DISC1: variants seen among roughly 807,000 people sequenced by gnomAD.
The protein encoded by DISC1 is disrupted in schizophrenia 1 protein.
A neutral mutation model predicts 84.5 loss-of-function variants in DISC1; 57 were observed. The observed-to-expected ratio is 0.67, with a 90% CI of 0.55 to 0.84. DISC1 has a LOEUF of 0.84. Among genes scored for constraint, DISC1 ranks in the 40% least tolerant of loss-of-function variants. DISC1 has a pLI of 0.00. For synonymous variants in DISC1, 411 were observed against 415.2 expected (o/e 0.99, Z 0.12); for missense variants, 1,000 against 1,057.8 (o/e 0.95, Z 0.76).
chr1:231,674,249 ATT>A (rs113568322), intron 1 of DISC1, among the ~76,000 whole-genome samples: 11,916 of 148,698 alleles, frequency 0.08, 1,494 homozygotes, highest in African/African-American at 0.28. Flanking sequence ...CTAGTTTTTG[ATT>A]TTTTTTTTTC....
At chr1:231,895,178 C>G (rs1000113672) in intron 9 of DISC1, among the ~76,000 whole-genome samples, 3 of 150,812 alleles carry the variant, frequency 2.0e-5, no homozygotes, top group African/African-American at 7.3e-5. Flanking sequence ...TATTGTTATC[C>G]CACTTTGTTT....
At chr1:232,005,881 A>G (rs1558829157) in intron 10 of DISC1, among the ~76,000 whole-genome samples, 1 of 152,194 alleles carries the variant, frequency 6.6e-6, no homozygotes, top group Non-Finnish European at 1.5e-5. Flanking sequence ...AATATCTAGC[A>G]TGAAGCTGTC....
intron 9 of DISC1, among the ~76,000 whole-genome samples, chr1:231,930,890 G>A (rs2126104812): frequency 6.6e-6 from 1 of 152,320 alleles, no homozygotes; most frequent in South Asian, 2.1e-4. Flanking sequence ...GTGAGCAGAG[G>A]TGTGGGTGGA....
At chr1:231,772,264 C>T (rs930595164) in intron 6 of DISC1, among the ~76,000 whole-genome samples, 1 of 152,086 alleles carries the variant, frequency 6.6e-6, no homozygotes, top group African/African-American at 2.4e-5. Flanking sequence ...TCTTTCTTGC[C>T]CTTCAAGAGC....
Position 231,770,960 on chromosome 1 carries a change from G to A in DISC1, c.1524G>A (p.Val508=). 6.2e-7 allele frequency: 1 copy of A among 1,613,972 alleles called. No individual in the cohort carries two copies. Among genetic ancestry groups the A allele is most frequent in the Non-Finnish European group, 8.5e-7 (1 of 1,179,952 alleles). The change falls in exon 6 of 13, where the codon GTG becomes GTA. Residue 508 remains valine, a synonymous_variant. Coordinates refer to ENST00000439617, the MANE Select transcript of DISC1 (RefSeq NM_018662.3). ...AGGGCTGCGACCTGACCCCACTGGT[G>A]GGCCAGCTGTCCCTGGGTCAGCTGC... ...QWQGCDLTPL[V]GQLSLGQLQE...
intron 6 of DISC1, among the ~76,000 whole-genome samples, chr1:231,791,196 T>C (rs776240770): frequency 1.2e-4 from 18 of 152,252 alleles, no homozygotes; most frequent in Non-Finnish European, 2.6e-4. Context: ...ATGATATTGA[T>C]TATATTGTAC....
At chr1:231,778,804 T>C (rs548276674) in intron 6 of DISC1, among the ~76,000 whole-genome samples, 10 of 152,216 alleles carry the variant, frequency 6.6e-5, no homozygotes, top group Admixed American at 5.2e-4. Flanking sequence ...TTTCATTGCG[T>C]TGTAAATTAA....
At chr1:231,946,990 T>C (rs1448484026) in intron 9 of DISC1, among the ~76,000 whole-genome samples, 2 of 152,244 alleles carry the variant, frequency 1.3e-5, no homozygotes, top group Non-Finnish European at 2.9e-5. Flanking sequence ...TCCATGCTCA[T>C]GGATAGGAAG....
chr1:231,642,739 TG>T (rs2059828623), intron 1 of DISC1, among the ~76,000 whole-genome samples: 1 of 151,646 alleles, frequency 6.6e-6, no homozygotes, highest in Non-Finnish European at 1.5e-5. Context: ...GAATCTCTTC[TG>T]GCTCAGAAAA....
intron 10 of DISC1, among the ~76,000 whole-genome samples, chr1:231,961,020 A>G (rs1015073713): frequency 6.6e-6 from 1 of 152,240 alleles, no homozygotes; most frequent in Non-Finnish European, 1.5e-5. Flanking sequence ...AGGGTGAGGT[A>G]TGGGAAAGGG....
intron 1 of DISC1, among the ~76,000 whole-genome samples, chr1:231,636,872 G>T (rs528838478): frequency 1.3e-5 from 2 of 152,148 alleles, no homozygotes; most frequent in Non-Finnish European, 2.9e-5. Flanking sequence ...GTGCCATGGT[G>T]GTTTGCTGCA....
rs559740578 is a variant in DISC1 at position 232,016,900 on chromosome 1, A to G, written c.2307+7851A>G. Reference sequence around the variant, plus strand: ...GTATAATTTGAATATGTGGATGAATACTCGTATCAGATAGAGTAATAAAGA... The same window carrying G: ...GTATAATTTGAATATGTGGATGAATGCTCGTATCAGATAGAGTAATAAAGA... On this transcript the variant is annotated intron_variant, in intron 11 of 12. Coordinates refer to ENST00000439617, the MANE Select transcript of DISC1 (RefSeq NM_018662.3). Among the ~76,000 whole-genome samples, 4 of 152,270 alleles carry G rather than the reference A, an allele frequency of 2.6e-5. No individual in the cohort carries two copies. In the East Asian group the frequency reaches 7.7e-4, roughly 29 times the overall value.
At chr1:232,021,333 TACACACACACACACACACACACACAC>T (rs36231584) in intron 11 of DISC1, among the ~76,000 whole-genome samples, 3 of 148,132 alleles carry the variant, frequency 2.0e-5, no homozygotes, top group African/African-American at 7.5e-5. Flanking sequence ...ACTTGTTCTA[TACACACACACACACACACACACACAC>T]ACACACACAC....
chr1:232,003,506 G>T (rs987936226), intron 10 of DISC1, among the ~76,000 whole-genome samples: 3 of 152,012 alleles, frequency 2.0e-5, no homozygotes, highest in Non-Finnish European at 4.4e-5. Flanking sequence ...GAAGAATCAA[G>T]AATTATAGTT....
intron 9 of DISC1, among the ~76,000 whole-genome samples, chr1:231,840,974 T>C (rs989041119): frequency 1.3e-5 from 2 of 152,332 alleles, no homozygotes; most frequent in East Asian, 1.9e-4. Flanking sequence ...TTACCTGTCT[T>C]ATCTCATTAA....
intron 9 of DISC1, among the ~76,000 whole-genome samples, chr1:231,890,878 G>C (rs1238018688): frequency 6.6e-6 from 1 of 151,990 alleles, no homozygotes; most frequent in Non-Finnish European, 1.5e-5. Context: ...TCTTCCTTTG[G>C]GTGCTGTGTT....
chr1:231,959,613 G>A (rs1056882249), intron 10 of DISC1: 9 of 575,790 alleles, frequency 1.6e-5, no homozygotes, highest in Middle Eastern at 8.8e-4. Flanking sequence ...CTGCTAGGAC[G>A]CTGTCTTGAG....
rs147233999 is a variant in DISC1, at chr1:231,954,989, G to A, written c.1982-3839G>A. On this transcript the variant is annotated intron_variant, in intron 9 of 12. Transcript: ENST00000439617. The surrounding 1 kb of genome is among the most constrained non-coding windows in gnomAD (Gnocchi z 4.8). ...GCCTGGAAGTTCTTGTGCAGGTCCA[G>A]CGTGTCACCAACTGGTGCTTCAGAC... 6.0e-4 allele frequency among the ~76,000 whole-genome samples: 91 copies of A among 152,320 alleles called. 1 individual carries two copies. The highest frequency in any genetic ancestry group is 2.0e-3 in the African/African-American group (85 of 41,558).
intron 6 of DISC1, among the ~76,000 whole-genome samples, chr1:231,786,778 C>T (rs2077894956): frequency 6.6e-6 from 1 of 152,152 alleles, no homozygotes; most frequent in African/African-American, 2.4e-5. Flanking sequence ...CTACACCCTT[C>T]AAGGTAGCCT....
Sources: allele counts gnomAD v4.1 joint callset (sites outside exome capture counted in the v4.1 genomes callset), GRCh38; gene constraint gnomAD v4.1.1; non-coding constraint Gnocchi (gnomAD v3.1); transcripts MANE v1.5; gene names NCBI Gene and HGNC (gene_info 2026-07-23, HGNC 2026-07-21).